The following NCALD variants were observed in gnomAD, a reference collection of about 807,000 sequenced individuals.
NCALD encodes the protein neurocalcin-delta.
In NCALD, 10 loss-of-function variants were observed where a neutral mutation model predicts 18.6. That is an observed-to-expected ratio of 0.54 (90% confidence interval 0.33 to 0.91). NCALD has a LOEUF of 0.91. NCALD is among the 40% of genes least tolerant of loss of function. NCALD has a pLI of 0.03. For synonymous variants in NCALD, 88 were observed against 87.4 expected, an observed-to-expected ratio of 1.01 and a Z score of -0.04; for missense variants, 184 against 247.6, an observed-to-expected ratio of 0.74 and a Z score of 1.72.
intron 2 of NCALD, among the ~76,000 whole-genome samples, chr8:102,018,943 T>C (rs1009582408): frequency 6.6e-6 from 1 of 152,006 alleles, no homozygotes; most frequent in African/African-American, 2.4e-5. Flanking sequence ...CTTCTGTTCA[T>C]AAAAAAGAGT....
At chr8:102,087,846 T>C (rs1392034367) in intron 1 of NCALD, among the ~76,000 whole-genome samples, 2 of 152,140 alleles carry the variant, frequency 1.3e-5, no homozygotes, top group Non-Finnish European at 2.9e-5. Context: ...TGGCTGGGTC[T>C]TTCTCTGGCC....
At chr8:101,763,966 CCA>C (rs754411989) in intron 1 of NCALD, among the ~76,000 whole-genome samples, 1,388 of 85,284 alleles carry the variant, frequency 0.016, 23 homozygotes, top group African/African-American at 0.046. Context: ...CTCTCTCTCT[CCA>C]CACACACACA....
chr8:101,732,003 T>C (rs1080599), intron 1 of NCALD, among the ~76,000 whole-genome samples: 45,670 of 152,058 alleles, frequency 0.3, 9,451 homozygotes, highest in African/African-American at 0.59. Flanking sequence ...CGTCAGACCA[T>C]TGCAACAGAG....
intron 3 of NCALD, among the ~76,000 whole-genome samples, chr8:101,899,269 G>A (rs1191294115): frequency 1.3e-5 from 2 of 151,876 alleles, no homozygotes; most frequent in Non-Finnish European, 2.9e-5. Flanking sequence ...TCATTTATTA[G>A]TTCTAAGAGG....
chr8:101,999,156 T>C (rs1821350988), intron 2 of NCALD, among the ~76,000 whole-genome samples: 1 of 146,674 alleles, frequency 6.8e-6, no homozygotes, highest in Non-Finnish European at 1.5e-5. Context: ...GATGCTTGAA[T>C]AATATGAGCT....
intron 2 of NCALD, among the ~76,000 whole-genome samples, chr8:101,943,757 G>A (rs141486031): frequency 0.046 from 6,932 of 152,080 alleles, 380 homozygotes; most frequent in African/African-American, 0.12. Flanking sequence ...TGGCTAACAT[G>A]ATGAAACCCC....
Position 101,776,954 on chromosome 8 carries a change from A to G in NCALD, c.-20+13908T>C, listed in dbSNP as rs1429792126. 2.0e-5 allele frequency among the ~76,000 whole-genome samples: 3 copies of G among 152,172 alleles called. No homozygotes were observed. The East Asian group carries it at 5.8e-4, about 29-fold the overall frequency. The stretch of plus-strand genomic sequence containing the variant: ...AGACTACCACTCTGCAGAAGAGGAT[A>G]CAACAGAGATTAGAGATTTTCTTTG... On this transcript the variant is annotated intron_variant, in intron 1 of 3. Coordinates refer to ENST00000220931, the MANE Select transcript of NCALD (RefSeq NM_032041.3).
rs140599569 is a variant in NCALD at position 101,786,635 on chromosome 8, T to C, written c.-20+4227A>G. Among the ~76,000 whole-genome samples, 330 of 152,278 alleles carry C rather than the reference T, an allele frequency of 2.2e-3. 4 individuals are homozygous for C. Among genetic ancestry groups the C allele is most frequent in the African/African-American group, 7.6e-3 (315 of 41,558 alleles). On this transcript the variant is annotated intron_variant, in intron 1 of 3. Coordinates refer to ENST00000220931, the MANE Select transcript of NCALD (RefSeq NM_032041.3). ...TTACCTCTAATAGATAGGGCTTAAA[T>C]TCATTAAAGCAAACAAAATCCAAAA... is the stretch of plus-strand genomic sequence containing the variant.
chr8:101,790,840 G>C (rs1407864953), intron 1 of NCALD, 22 bp downstream of exon 1: 1 of 152,186 alleles, frequency 6.6e-6, no homozygotes, highest in African/African-American at 2.4e-5. Context: ...TCTAACTATT[G>C]TATATAAAGC....
chr8:101,970,508 T>C lies in NCALD; in HGVS notation c.-157+49729A>G, dbSNP rs1586846599. Among the ~76,000 whole-genome samples the C allele has an allele frequency of 3.3e-5, 5 of 152,318 alleles. 1 individual carries two copies. Among genetic ancestry groups the C allele is most frequent in the Admixed American group, 3.3e-4 (5 of 15,280 alleles). ...TGGCCCCAACCCAAAAAGCTCTATC[T>C]ACTCCAAAAAATTGTTTTGGTTGTA... is the stretch of plus-strand genomic sequence containing the variant. On this transcript the variant is annotated intron_variant, in intron 2 of 6. Coordinates refer to the NCALD transcript ENST00000311028.
intron 3 of NCALD, among the ~76,000 whole-genome samples, chr8:101,903,497 A>G (rs1817508836): frequency 6.6e-6 from 1 of 152,104 alleles, no homozygotes; most frequent in Non-Finnish European, 1.5e-5. Context: ...CACCCAGGCT[A>G]TGTTTAGGAA....
At chr8:101,931,389 AC>A (rs1473310629) in intron 2 of NCALD, among the ~76,000 whole-genome samples, 2 of 152,228 alleles carry the variant, frequency 1.3e-5, no homozygotes, top group Non-Finnish European at 2.9e-5. Context: ...AACCCTGTTA[AC>A]AACATCAGAT....
In NCALD at chr8:101,885,839, C is replaced by T. The variant is rs191590989; in HGVS notation, c.-20+1302G>A. On this transcript the variant is annotated intron_variant, in intron 4 of 6. Coordinates refer to the NCALD transcript ENST00000311028. ...TTAAATCCTACTCAAGCTTTACTGT[C>T]TTTAGGCAAAAACACACATTTTCCT... Among the ~76,000 whole-genome samples, 11 of 152,322 alleles carry T rather than the reference C, an allele frequency of 7.2e-5. No individual in the cohort carries two copies. In the East Asian group the frequency reaches 1.9e-3, roughly 27 times the overall value.
At chr8:101,870,848 C>A (rs1815975482) in intron 4 of NCALD, among the ~76,000 whole-genome samples, 1 of 148,470 alleles carries the variant, frequency 6.7e-6, no homozygotes, top group African/African-American at 2.5e-5. Flanking sequence ...CAGTATCTAC[C>A]AAAAAGGTTC....
At chr8:102,039,321 G>A (rs10098918) in intron 1 of NCALD, among the ~76,000 whole-genome samples, 21,373 of 152,088 alleles carry the variant, frequency 0.14, 1,818 homozygotes, top group Non-Finnish European at 0.19. Context: ...GGAATATAAT[G>A]ATGATTGTTA....
At chr8:102,087,696 T>A (rs1161465262) in intron 1 of NCALD, among the ~76,000 whole-genome samples, 1 of 152,202 alleles carries the variant, frequency 6.6e-6, no homozygotes, top group African/African-American at 2.4e-5. Flanking sequence ...TGCTGACGGC[T>A]ATGGGTGACA....
intron 1 of NCALD, among the ~76,000 whole-genome samples, chr8:102,053,365 A>G (rs1355931493): frequency 3.3e-5 from 5 of 152,210 alleles, no homozygotes; most frequent in African/African-American, 1.2e-4. Context: ...TTTAATTGGA[A>G]TATTTAAAAA....
intron 4 of NCALD, among the ~76,000 whole-genome samples, chr8:101,846,121 TGCAGCAACAA>T (rs1193254241): frequency 6.6e-6 from 1 of 152,238 alleles, no homozygotes; most frequent in Non-Finnish European, 1.5e-5. Context: ...CTGTGAACAG[TGCAGCAACAA>T]ACATGGGAGT....
intron 4 of NCALD, among the ~76,000 whole-genome samples, chr8:101,860,588 T>C (rs1293476114): frequency 1.3e-5 from 2 of 152,150 alleles, no homozygotes; most frequent in Admixed American, 6.6e-5. Flanking sequence ...AGAAAGGAAA[T>C]GTAATCATCA....
Sources: allele counts gnomAD v4.1 joint callset (sites outside exome capture counted in the v4.1 genomes callset), GRCh38; gene constraint gnomAD v4.1.1; transcripts MANE v1.5; gene names NCBI Gene and HGNC (gene_info 2026-07-23, HGNC 2026-07-21).